The following LYST variants were observed in gnomAD, a reference collection of about 807,000 sequenced individuals.
LYST encodes lysosomal trafficking regulator, also known as lysosomal-trafficking regulator.
Under a neutral mutation model 413.6 loss-of-function variants are expected in LYST, and 192 were observed. The observed-to-expected ratio is 0.46, with a 90% CI of 0.41 to 0.52. The LOEUF (loss-of-function observed/expected upper bound fraction) is 0.52. Among genes scored for constraint, LYST ranks in the 20% least tolerant of loss-of-function variants. The pLI, the probability that LYST is intolerant of heterozygous loss-of-function variation, is 0.00. For synonymous variants in LYST, 1,525 were observed against 1,567.3 expected, an observed-to-expected ratio of 0.97 and a Z score of 0.64; for missense variants, 3,815 against 4,499.9, an observed-to-expected ratio of 0.85 and a Z score of 4.35.
In LYST at chr1:235,806,693, G is replaced by A. The variant is rs141764855; in HGVS notation, c.2443C>T (p.His815Tyr). ...AGAGTTTCAAATGCTTTTAGAGAATGACTTCGAATACCATTTAAGCAATTT... is the reference window on the plus strand; with the variant it reads ...AGAGTTTCAAATGCTTTTAGAGAATAACTTCGAATACCATTTAAGCAATTT... ...ELNCLNGIRS[H>Y]SLKAFETLII... Residue 815 changes from histidine to tyrosine, a missense_variant, in exon 6 of 53, where the codon CAT becomes TAT. This residue lies in a region of LYST where 1,648 missense variants were observed against 1,810.3 expected (regional missense o/e 0.91). Coordinates refer to ENST00000389793, the MANE Select transcript of LYST (RefSeq NM_000081.4). 6.6e-5 allele frequency: 107 copies of A among 1,613,124 alleles called. No individual in the cohort carries two copies. The African/African-American group carries it at 1.3e-3, about 20-fold the overall frequency.
At position 235,755,645 on chromosome 1, in the gene LYST, T is replaced by C. The variant is rs775230169; in HGVS notation, c.7062A>G (p.Leu2354=). 2.0e-5 allele frequency: 31 copies of C among 1,584,278 alleles called. No individual in the cohort carries two copies. The highest frequency in any genetic ancestry group is 2.6e-5 in the Non-Finnish European group (30 of 1,153,472). ...ATGCTCTAGCAAAATATGCATCTAA[T>C]AGCTAAACAAAAAATTTAAGTCAAT... The part of the protein sequence containing the change: ...SPAIQQGVIK[L]LDAYFARASK... The change falls in exon 25 of 53, where the codon CTA becomes CTG. Residue 2354 remains leucine (L), a splice_region_variant and synonymous_variant. Coordinates refer to ENST00000389793, the MANE Select transcript of LYST (RefSeq NM_000081.4).
intron 1 of LYST, among the ~76,000 whole-genome samples, chr1:235,861,788 G>A (rs1441217743): frequency 6.6e-6 from 1 of 152,120 alleles, no homozygotes; most frequent in Non-Finnish European, 1.5e-5. Context: ...CATGGCTCCT[G>A]GCTTCGGAGA....
chr1:235,795,292 A>G (rs1572282466), intron 10 of LYST, among the ~76,000 whole-genome samples: 2 of 152,190 alleles, frequency 1.3e-5, no homozygotes. Flanking sequence ...CTCTAAATAA[A>G]CGAAATGGTC....
intron 31 of LYST, chr1:235,737,958 T>TCTCATTAAAAA: frequency 3.9e-6 from 5 of 1,280,878 alleles, no homozygotes; most frequent in South Asian, 2.5e-5. Flanking sequence ...CCGCCGGACG[T>TCTCATTAAAAA]GCATTCTCGA....
At chr1:235,792,764 A>G (rs1041802202) in intron 11 of LYST, among the ~76,000 whole-genome samples, 1 of 150,104 alleles carries the variant, frequency 6.7e-6, no homozygotes, top group African/African-American at 2.5e-5. Context: ...CCTGGGTTCA[A>G]GCAATTCTCC....
At chr1:235,679,948 T>C (rs1659678525) in intron 48 of LYST, among the ~76,000 whole-genome samples, 1 of 152,106 alleles carries the variant, frequency 6.6e-6, no homozygotes, top group Non-Finnish European at 1.5e-5. Context: ...GCTTGGTAGT[T>C]TCTTACTAGC....
rs951940805 is a variant in LYST, at chr1:235,770,010, T to C, written c.5922+150A>G. The C allele has an allele frequency of 1.3e-5, 9 of 689,718 alleles. No homozygotes were observed. The African/African-American group carries it at 1.5e-4, about 11-fold the overall frequency. The allele number at this position is 689,718 out of a possible 1,614,324, so 42.7% of individuals were successfully genotyped here. A position where few individuals can be genotyped will look rare whatever the true frequency, so the allele number is the denominator to read the frequency against. ...AGATGCAGCAGTTGAAAAACTCCTG[T>C]ACTATTTTTTGAAAGAAGAGAATCT... On this transcript the variant is annotated intron_variant, in intron 20 of 52. Coordinates refer to ENST00000389793, the MANE Select transcript of LYST (RefSeq NM_000081.4).
chr1:235,720,700 A>G lies in LYST; in HGVS notation c.9521T>C (p.Val3174Ala). ...PVFPFILADY[V>A]SETLDLNDLL... is the part of the protein sequence containing the mutation. ...ATCATTGAGGTCAAGTGTCTCACTA[A>G]CGTAGTCAGCAAGTATAAATGGGAA... Residue 3174 changes from valine to alanine, a missense_variant, in exon 40 of 53, where the codon GTT (valine) becomes GCT (alanine). Val to Ala is a moderately conservative substitution (Grantham distance 64). Coordinates refer to ENST00000389793, the MANE Select transcript of LYST (RefSeq NM_000081.4). 2 of 1,613,752 alleles carry G rather than the reference A, an allele frequency of 1.2e-6. No homozygotes were observed. Among genetic ancestry groups the G allele is most frequent in the Non-Finnish European group, 1.7e-6 (2 of 1,179,644 alleles).
rs770087096 is a variant in LYST at position 235,809,164 on chromosome 1, C to G, written c.1654G>C (p.Val552Leu). ...YYPERCCCIA[V>L]CAHQCLRLLQ... ...AAGCGCAAGCACTGATGGGCACACA[C>G]TGCAATGCAACAGCACCGCTCAGGA... The change falls in exon 5 of 53, where the codon GTG becomes CTG. Residue 552 changes from valine to leucine, a missense_variant. Val to Leu is a conservative substitution (Grantham distance 32). Transcript: ENST00000389793. This position sits in a 1 kb window ranked among gnomAD's most constrained non-coding sequence, Gnocchi z 4.0. 4 of 1,614,096 alleles carry G rather than the reference C, an allele frequency of 2.5e-6. No homozygotes were observed. The highest frequency in any genetic ancestry group is 3.4e-6 in the Non-Finnish European group (4 of 1,179,974).
chr1:235,773,639 G>A (rs1668932730), intron 19 of LYST, among the ~76,000 whole-genome samples: 1 of 152,090 alleles, frequency 6.6e-6, no homozygotes, highest in Non-Finnish European at 1.5e-5. Context: ...GAGAAAGAGG[G>A]AGAACATTTG....
At chr1:235,829,808 G>A (rs2145401) in intron 3 of LYST, 78,405 of 170,632 alleles carry the variant, frequency 0.46, 21,855 homozygotes, top group African/African-American at 0.81. Flanking sequence ...GTTCACATAA[G>A]AGGTCTCTGC....
chr1:235,795,040 A>G (rs1233299279), intron 10 of LYST, among the ~76,000 whole-genome samples: 1 of 152,198 alleles, frequency 6.6e-6, no homozygotes, highest in Non-Finnish European at 1.5e-5. Context: ...ATATTTCTTG[A>G]AGATGGAAAA....
chr1:235,855,921 A>G (rs768573618), intron 1 of LYST, among the ~76,000 whole-genome samples: 4 of 152,210 alleles, frequency 2.6e-5, no homozygotes, highest in Non-Finnish European at 4.4e-5. Flanking sequence ...TTACTGTTAT[A>G]AAACATTTCA....
Position 235,830,316 on chromosome 1 carries a change from C to T in LYST, c.102G>A (p.Glu34=), listed in dbSNP as rs1430774586. 1 of 1,613,946 alleles carries T rather than the reference C, an allele frequency of 6.2e-7. No individual in the cohort carries two copies. Among genetic ancestry groups the T allele is most frequent in the South Asian group, 1.1e-5 (1 of 91,076 alleles). The change falls in exon 3 of 53, where the codon GAG becomes GAA. Residue 34 remains glutamate (E), a synonymous_variant. Transcript: ENST00000389793. ...VQRVEAREEE[E]EETHMATLGQ... ...CAAGGGTTGCCATGTGCGTCTCCTC[C>T]TCTTCTTCCTCCCTGGCCTCCACCC...
chr1:235,861,785 C>G (rs961491498), intron 1 of LYST, among the ~76,000 whole-genome samples: 1 of 152,178 alleles, frequency 6.6e-6, no homozygotes, highest in African/African-American at 2.4e-5. Context: ...AGCCATGGCT[C>G]CTGGCTTCGG....
chr1:235,731,634 C>T (rs922057155), intron 34 of LYST, among the ~76,000 whole-genome samples: 1 of 148,252 alleles, frequency 6.7e-6, no homozygotes, highest in Non-Finnish European at 1.5e-5. Context: ...TCTTGGCTCA[C>T]TGTAATTTCT....
Position 235,697,238 on chromosome 1 carries a change from C to T in LYST, c.10409G>A (p.Gly3470Glu). 1 of 1,613,958 alleles carries T rather than the reference C, an allele frequency of 6.2e-7. No individual in the cohort carries two copies. Among genetic ancestry groups the T allele is most frequent in the Non-Finnish European group, 8.5e-7 (1 of 1,179,944 alleles). ...AGCACTGGGGGAACCCACGTATTCC[C>T]CCCATTTCAAGCCTTTTATCCATGA... is the stretch of plus-strand genomic sequence containing the variant. ...PLSWIKGLKW[G>E]EYVGSPSAPV... The change falls in exon 46 of 53, where the codon GGG (glycine) becomes GAG (glutamate). Residue 3470 changes from glycine to glutamate, a missense_variant. This residue lies in a region of LYST where 866 missense variants were observed against 1,156.0 expected (regional missense o/e 0.75). Coordinates refer to ENST00000389793, the MANE Select transcript of LYST (RefSeq NM_000081.4).
At chr1:235,752,840 C>G (rs2273585) in intron 26 of LYST, among the ~76,000 whole-genome samples, 1 of 151,624 alleles carries the variant, frequency 6.6e-6, no homozygotes, top group Non-Finnish European at 1.5e-5. Flanking sequence ...AAGTAGCATA[C>G]AGGGACATTC....
chr1:235,810,342 C>T lies in LYST; in HGVS notation c.476G>A (p.Arg159Lys), dbSNP rs111806240. The change falls in exon 5 of 53, where the codon AGA (arginine) becomes AAA (lysine). Residue 159 changes from arginine to lysine, a missense_variant. Physicochemically the swap from Arg to Lys is conservative, Grantham distance 26. Coordinates refer to ENST00000389793, the MANE Select transcript of LYST (RefSeq NM_000081.4). Reference sequence around the variant, plus strand: ...ATCTGAGGTGGAGAGCTGTGTCTTTCTTGCATCTCTTACAGAATAGCGATG... The same window carrying T: ...ATCTGAGGTGGAGAGCTGTGTCTTTTTTGCATCTCTTACAGAATAGCGATG... The part of the protein sequence containing the change: ...ITHRYSVRDA[R>K]KTQLSTSDSE... 193 of 1,614,004 alleles carry T rather than the reference C, an allele frequency of 1.2e-4. No homozygotes were observed. Among genetic ancestry groups the T allele is most frequent in the Non-Finnish European group, 1.5e-4 (179 of 1,179,988 alleles).
Sources: gnomAD v4.1 joint callset for allele counts (sites outside exome capture counted in the v4.1 genomes callset) on GRCh38, gnomAD v4.1.1 for gene constraint, gnomAD v4.1.1 regional missense constraint, Gnocchi (gnomAD v3.1) non-coding constraint, MANE v1.5 for transcripts, NCBI Gene and HGNC (gene_info 2026-07-23, HGNC 2026-07-21) for gene names.